Variants in ZNF382 observed in about 807,000 individuals in gnomAD.
ZNF382 encodes the protein KRAB/zinc finger suppressor protein 1.
A neutral mutation model predicts 38.8 loss-of-function variants in ZNF382; 20 were observed. The ratio of observed to expected loss-of-function variants is 0.51; its 90% CI spans 0.36 to 0.75. The LOEUF is 0.75. Among genes scored for constraint, ZNF382 ranks in the 30% least tolerant of loss-of-function variants. ZNF382 has a pLI of 0.00. For missense variants in ZNF382, 546 were observed against 654.1 expected (o/e 0.83, Z 1.80); for synonymous variants, 202 against 223.1 (o/e 0.91, Z 0.84).
chr19:36,612,248 C>T lies in ZNF382; in HGVS notation c.232+1506C>T, dbSNP rs949598210. 2.6e-5 allele frequency among the ~76,000 whole-genome samples: 4 copies of T among 152,196 alleles called. No homozygotes were observed. In the East Asian group the frequency reaches 5.8e-4, roughly 22 times the overall value. ...TTTTTCATGTCTGCTTTCTTTCACT[C>T]AGCTTCATGTCTGAGAGATTTATAC... On this transcript the variant is annotated intron_variant, in intron 4 of 4. Transcript: ENST00000292928.
chr19:36,610,079 C>T (rs1305517201), intron 3 of ZNF382, 26 bp downstream of exon 3: 4 of 1,611,474 alleles, frequency 2.5e-6, no homozygotes, highest in East Asian at 2.2e-5. Flanking sequence ...GAATCTTTCA[C>T]TGTCATGCAT....
chr19:36,609,707 C>T, intron 2 of ZNF382, 195 bp from the exon 3 acceptor site: 1 of 485,206 alleles, frequency 2.1e-6, no homozygotes, highest in Non-Finnish European at 3.4e-6. Context: ...GTCTACCAGG[C>T]AACCAGTCAC....
In ZNF382 at chr19:36,611,546, G is replaced by A. The variant is rs554635688; in HGVS notation, c.232+804G>A. On this transcript the variant is annotated intron_variant, in intron 4 of 4. Transcript: ENST00000292928. ...CTATATTTTGCTTATTCATTCATCC[G>A]TCAGTGGTCCGTTGGGTTCCTTCCA... Among the ~76,000 whole-genome samples the A allele has an allele frequency of 5.9e-5, 9 of 152,040 alleles. No homozygotes were observed. The South Asian group carries it at 6.2e-4, about 11-fold the overall frequency.
chr19:36,621,310 A>G (rs1177045626), intron 4 of ZNF382, among the ~76,000 whole-genome samples: 3 of 136,624 alleles, frequency 2.2e-5, no homozygotes, highest in Non-Finnish European at 3.2e-5. Flanking sequence ...TGGATTTGCC[A>G]TGATTTTTCC....
In ZNF382 at chr19:36,607,551, G is replaced by A. The variant is rs12462425; in HGVS notation, c.-84-1G>A. ...TATATCCTCCATCTTTGCTTTCTCA[G>A]GACTGTTTCTTTTTCCAAAAGAGGA... On this transcript the variant is annotated splice_acceptor_variant, in intron 1 of 4. Transcript: ENST00000292928. LOFTEE classifies it low-confidence loss of function (5UTR_SPLICE). The A allele has an allele frequency of 7.9e-6, 12 of 1,521,496 alleles. No individual in the cohort carries two copies. Among genetic ancestry groups the A allele is most frequent in the Middle Eastern group, 3.8e-4 (2 of 5,222 alleles). The allele number at this position is 1,521,496 out of a possible 1,614,324, so 94.2% of individuals were successfully genotyped here.
At chr19:36,621,829 T>C (rs1366784355) in intron 4 of ZNF382, among the ~76,000 whole-genome samples, 1 of 152,180 alleles carries the variant, frequency 6.6e-6, no homozygotes, top group Non-Finnish European at 1.5e-5. Flanking sequence ...GATTGGATAA[T>C]GAGGGAAAAC....
intron 4 of ZNF382, among the ~76,000 whole-genome samples, chr19:36,614,762 C>T (rs544836078): frequency 6.6e-6 from 1 of 152,058 alleles, no homozygotes; most frequent in South Asian, 2.1e-4. Context: ...CCTGTCTCTA[C>T]TAAAAGAATA....
chr19:36,616,569 T>C (rs1432897373), intron 4 of ZNF382, among the ~76,000 whole-genome samples: 1 of 152,214 alleles, frequency 6.6e-6, no homozygotes, highest in East Asian at 1.9e-4. Flanking sequence ...TTTATCTGAA[T>C]AGTGTTTCTG....
chr19:36,615,189 T>C (rs1014799502), intron 4 of ZNF382, among the ~76,000 whole-genome samples: 2 of 152,020 alleles, frequency 1.3e-5, no homozygotes, highest in Non-Finnish European at 2.9e-5. Context: ...AGTTTCACCA[T>C]ATTGGCCAGG....
chr19:36,620,749 T>G (rs568719858), intron 4 of ZNF382, among the ~76,000 whole-genome samples: 1 of 152,272 alleles, frequency 6.6e-6, no homozygotes, highest in Non-Finnish European at 1.5e-5. Flanking sequence ...TTTATTCTTT[T>G]GTTCCCATAA....
At chr19:36,618,902 G>T (rs1266989336) in intron 4 of ZNF382, among the ~76,000 whole-genome samples, 1 of 152,092 alleles carries the variant, frequency 6.6e-6, no homozygotes, top group Non-Finnish European at 1.5e-5. Context: ...GCTGGGCATG[G>T]TGGCGCCCAC....
chr19:36,620,752 T>C (rs2037162532), intron 4 of ZNF382, among the ~76,000 whole-genome samples: 1 of 152,086 alleles, frequency 6.6e-6, no homozygotes, highest in Admixed American at 6.6e-5. Context: ...ATTCTTTTGT[T>C]CCCATAATCT....
At position 36,626,411 on chromosome 19, in the gene ZNF382, C is replaced by G. The variant is rs774802247; in HGVS notation, c.514C>G (p.Leu172Val). 1.0e-5 allele frequency: 16 copies of G among 1,604,014 alleles called. No individual in the cohort carries two copies. The highest frequency in any genetic ancestry group is 1.4e-5 in the Non-Finnish European group (16 of 1,176,936). Reference protein sequence around the residue: ...GDSTGWEKSLLNTKHEKIHPA... With the variant: ...GDSTGWEKSLVNTKHEKIHPA... ...CAGTACTGGATGGGAGAAATCACTC[C>G]TCAATACCAAGCATGAGAAAATTCA... The change falls in exon 5 of 5, where the codon CTC (leucine) becomes GTC (valine). Residue 172 changes from leucine (L) to valine (V), a missense_variant. Leu to Val is a conservative substitution (Grantham distance 32). Transcript: ENST00000292928.
chr19:36,622,221 A>C (rs540908249), intron 4 of ZNF382, among the ~76,000 whole-genome samples: 1 of 152,026 alleles, frequency 6.6e-6, no homozygotes, highest in Admixed American at 6.6e-5. Context: ...GGGTTTCACT[A>C]TGTTGGCCAG....
Position 36,626,310 on chromosome 19 carries a change from CTGATGGAAAAGTTT to C in ZNF382, c.417_430del (p.Asp139GlufsTer9), listed in dbSNP as rs757262971. 3 of 1,585,838 alleles carry C rather than the reference CTGATGGAAAAGTTT, an allele frequency of 1.9e-6. No individual in the cohort carries two copies. The stretch of plus-strand genomic sequence containing the variant: ...AAAACAATACTATGTGAATATAAAC[CTGATGGAAAAGTTT>C]TGAAAAATATTTCAGAACTAGTCAT... On this transcript the variant is annotated frameshift_variant, in exon 5 of 5. Coordinates refer to ENST00000292928, the MANE Select transcript of ZNF382 (RefSeq NM_032825.5). LOFTEE classifies it high-confidence loss of function.
At chr19:36,620,099 T>G (rs1181825127) in intron 4 of ZNF382, among the ~76,000 whole-genome samples, 1 of 152,148 alleles carries the variant, frequency 6.6e-6, no homozygotes, top group Non-Finnish European at 1.5e-5. Flanking sequence ...CCTCATAGTT[T>G]TCACTTTCTT....
At chr19:36,622,990 G>A (rs960257578) in intron 4 of ZNF382, among the ~76,000 whole-genome samples, 27 of 151,856 alleles carry the variant, frequency 1.8e-4, no homozygotes, top group African/African-American at 6.3e-4. Flanking sequence ...GAGCAGACAC[G>A]TCCTCTGATA....
intron 4 of ZNF382, among the ~76,000 whole-genome samples, chr19:36,614,902 T>TCCTTCCCTTC (rs2037109184): frequency 1.5e-5 from 1 of 66,820 alleles, no homozygotes; most frequent in Non-Finnish European, 3.1e-5. Context: ...TCCTTTCCTT[T>TCCTTCCCTTC]CCTTTCCTTT....
rs1555793855 is a variant in ZNF382 at position 36,627,273 on chromosome 19, C to CG, written c.1381dup (p.Glu461GlyfsTer7). ...CTCACTCTCCACCAGAGAATTCACA[C>CG]GGGGGAAAAACCCTATATTTGTAAT... On this transcript the variant is annotated frameshift_variant, in exon 5 of 5. Coordinates refer to ENST00000292928, the MANE Select transcript of ZNF382 (RefSeq NM_032825.5). LOFTEE classifies it high-confidence loss of function. The CG allele has an allele frequency of 6.2e-7, 1 of 1,611,156 alleles. No homozygotes were observed. Among genetic ancestry groups the CG allele is most frequent in the Non-Finnish European group, 8.5e-7 (1 of 1,179,270 alleles).
Sources: allele counts gnomAD v4.1 joint callset (sites outside exome capture counted in the v4.1 genomes callset), GRCh38; gene constraint gnomAD v4.1.1; transcripts MANE v1.5; gene names NCBI Gene and HGNC (gene_info 2026-07-23, HGNC 2026-07-21).